TENM2: variants seen among roughly 807,000 people sequenced by gnomAD.
TENM2 encodes teneurin-2.
TENM2 carries 52 observed loss-of-function variants against 245.2 expected under a neutral mutation model. That is an observed-to-expected ratio of 0.21 (90% CI 0.17 to 0.27). The LOEUF (loss-of-function observed/expected upper bound fraction) is 0.27. Ranked by LOEUF, TENM2 falls within the 10% of genes least tolerant of loss-of-function variation. The probability of loss-of-function intolerance (pLI) is 1.00; values close to 1 mark genes in which losing one functional copy is unlikely to be tolerated. For missense variants in TENM2, 3,046 were observed against 3,666.8 expected (o/e 0.83, Z 4.37); for synonymous variants, 1,363 against 1,438.9 (o/e 0.95, Z 1.19).
chr5:167,230,919 G>T, the TENM2 span, among the ~76,000 whole-genome samples: 2 of 152,178 alleles, frequency 1.3e-5, no homozygotes, highest in Non-Finnish European at 2.9e-5. Context: ...GGACCCAGTG[G>T]GAGTAATTGA....
At chr5:167,002,987 C>A in the TENM2 span, among the ~76,000 whole-genome samples, 870 of 148,932 alleles carry the variant, frequency 5.8e-3, 6 homozygotes, top group African/African-American at 0.019. Flanking sequence ...TTTTTTTTTT[C>A]ATAAAACCCT....
chr5:167,846,625 C>G (rs1016249231), intron 2 of TENM2, among the ~76,000 whole-genome samples: 2 of 152,080 alleles, frequency 1.3e-5, no homozygotes, highest in African/African-American at 2.4e-5. Flanking sequence ...GTTTCAATAA[C>G]ATTAAAAATT....
At chr5:167,042,871 C>G in the TENM2 span, among the ~76,000 whole-genome samples, 2 of 152,014 alleles carry the variant, frequency 1.3e-5, no homozygotes, top group African/African-American at 2.4e-5. Flanking sequence ...GATATGACCT[C>G]GGAACAAAGT....
the TENM2 span, among the ~76,000 whole-genome samples, chr5:167,275,448 G>A: frequency 5.9e-5 from 9 of 152,102 alleles, no homozygotes; most frequent in South Asian, 1.5e-3. Flanking sequence ...AACAATTTGG[G>A]GAGAATTGAT....
intron 1 of TENM2, among the ~76,000 whole-genome samples, chr5:167,353,645 C>T (rs1227941413): frequency 1.3e-5 from 2 of 149,722 alleles, no homozygotes; most frequent in South Asian, 2.1e-4. Context: ...GTAGCTGGGA[C>T]AACAGGCGCC....
intron 3 of TENM2, among the ~76,000 whole-genome samples, chr5:167,889,004 C>A (rs1017740580): frequency 6.6e-6 from 1 of 152,084 alleles, no homozygotes; most frequent in African/African-American, 2.4e-5. Flanking sequence ...GGGAAGCTAA[C>A]AATAAAATGC....
At chr5:167,696,898 T>C (rs1212119878) in intron 2 of TENM2, among the ~76,000 whole-genome samples, 2 of 152,108 alleles carry the variant, frequency 1.3e-5, no homozygotes, top group African/African-American at 4.8e-5. Flanking sequence ...ATCAACCAGT[T>C]AACAGTCTTG....
At chr5:167,670,465 C>T (rs942535531) in intron 2 of TENM2, among the ~76,000 whole-genome samples, 1 of 151,122 alleles carries the variant, frequency 6.6e-6, no homozygotes, top group Admixed American at 6.6e-5. Flanking sequence ...CTCTCTGTCT[C>T]TCTCTCTAAT....
intron 2 of TENM2, among the ~76,000 whole-genome samples, chr5:167,747,894 C>G (rs547439022): frequency 2.0e-5 from 3 of 152,210 alleles, no homozygotes; most frequent in Admixed American, 2.0e-4. Context: ...GTCCCTCTCT[C>G]TCTATTTTCT....
chr5:167,523,574 T>G (rs1032347923), intron 2 of TENM2, among the ~76,000 whole-genome samples: 3 of 152,106 alleles, frequency 2.0e-5, no homozygotes, highest in Non-Finnish European at 4.4e-5. Flanking sequence ...TGGTGTTCGC[T>G]CATTGAAAAA....
intron 2 of TENM2, among the ~76,000 whole-genome samples, chr5:167,777,844 A>G (rs1032216556): frequency 4.6e-5 from 7 of 152,246 alleles, no homozygotes; most frequent in Non-Finnish European, 1.0e-4. Context: ...AATGCAAGTA[A>G]GTAAATTATT....
chr5:167,062,859 G>A, the TENM2 span, among the ~76,000 whole-genome samples: 1 of 152,160 alleles, frequency 6.6e-6, no homozygotes, highest in South Asian at 2.1e-4. Context: ...AAGGTCGAAG[G>A]AGCTAGAAGG....
chr5:167,213,937 T>G, the TENM2 span, among the ~76,000 whole-genome samples: 1 of 152,238 alleles, frequency 6.6e-6, no homozygotes, highest in Non-Finnish European at 1.5e-5. Flanking sequence ...TTTGCCAAGT[T>G]GGCCACTATG....
intron 2 of TENM2, among the ~76,000 whole-genome samples, chr5:167,745,869 G>A (rs1460767891): frequency 4.6e-5 from 7 of 152,248 alleles, no homozygotes; most frequent in East Asian, 3.9e-4. Flanking sequence ...GGTTTACCAC[G>A]TTTTCTTTAT....
intron 2 of TENM2, among the ~76,000 whole-genome samples, chr5:167,854,822 C>G (rs1249578266): frequency 6.6e-6 from 1 of 152,180 alleles, no homozygotes; most frequent in Non-Finnish European, 1.5e-5. Context: ...ATCAGTCAAA[C>G]ATATTGCCAT....
At chr5:168,159,037 A>G (rs1757510314) in intron 12 of TENM2, among the ~76,000 whole-genome samples, 1 of 151,142 alleles carries the variant, frequency 6.6e-6, no homozygotes, top group Non-Finnish European at 1.5e-5. Flanking sequence ...CCAGCTACTC[A>G]GGAAGCTGAG....
At chr5:167,668,928 G>T (rs555564789) in intron 2 of TENM2, among the ~76,000 whole-genome samples, 2 of 152,268 alleles carry the variant, frequency 1.3e-5, no homozygotes, top group East Asian at 3.9e-4. Context: ...ACTTCAGCCT[G>T]AGTGACGGGA....
chr5:167,176,291 C>G, the TENM2 span, among the ~76,000 whole-genome samples: 2 of 152,124 alleles, frequency 1.3e-5, no homozygotes, highest in Non-Finnish European at 1.5e-5. Context: ...CTTTTTTACC[C>G]AACTTGTGCT....
At chr5:167,080,180 T>G in the TENM2 span, among the ~76,000 whole-genome samples, 1 of 152,242 alleles carries the variant, frequency 6.6e-6, no homozygotes, top group Admixed American at 6.5e-5. Context: ...TCTAAAATAT[T>G]GGTCTTCTCT....
Sources: allele counts gnomAD v4.1 joint callset (sites outside exome capture counted in the v4.1 genomes callset), GRCh38; gene constraint gnomAD v4.1.1; transcripts MANE v1.5; gene names NCBI Gene and HGNC (gene_info 2026-07-23, HGNC 2026-07-21).